The following KIRREL3 variants were observed in gnomAD, a reference collection of about 807,000 sequenced individuals.
KIRREL3 encodes kirre like nephrin family adhesion molecule 3, also known as kin of IRRE-like protein 3.
A neutral mutation model predicts 89.7 loss-of-function variants in KIRREL3; 36 were observed. That is an observed-to-expected ratio of 0.40 (90% CI 0.31 to 0.53). KIRREL3 has a LOEUF of 0.53. Ranked by LOEUF, KIRREL3 falls within the 20% of genes least tolerant of loss-of-function variation. The probability of loss-of-function intolerance (pLI) is 0.49; values close to 1 mark genes in which losing one functional copy is unlikely to be tolerated. For missense variants in KIRREL3, 864 were observed against 1,056.6 expected (o/e 0.82, Z 2.53); for synonymous variants, 445 against 441.4 (o/e 1.01, Z -0.10).
Position 126,645,268 on chromosome 11 carries a change from G to A in KIRREL3, c.56-82356C>T, listed in dbSNP as rs1489013842. Among the ~76,000 whole-genome samples the A allele has an allele frequency of 6.6e-6, 1 of 152,118 alleles. No homozygotes were observed. Among genetic ancestry groups the A allele is most frequent in the Non-Finnish European group, 1.5e-5 (1 of 68,020 alleles). On this transcript the variant is annotated intron_variant, in intron 1 of 16. Coordinates refer to ENST00000525144, the MANE Select transcript of KIRREL3 (RefSeq NM_032531.4). The surrounding 1 kb of genome is among the most constrained non-coding windows in gnomAD (Gnocchi z 4.9). ...GAGTTCCCTGCGGTTGTGGTCATGGGCCAATTGCAGTATTCAGTTTTTATG... is the reference window on the plus strand; with the variant it reads ...GAGTTCCCTGCGGTTGTGGTCATGGACCAATTGCAGTATTCAGTTTTTATG...
rs1007786 is a variant in KIRREL3, at chr11:126,515,543, G to A, written c.433+5772C>T. ...AGGCTTCCTGGAGGAGGAGTTGTCT[G>A]AGGTGAATCTTGACAGCTGAACACA... On this transcript the variant is annotated intron_variant, in intron 4 of 16. Transcript: ENST00000525144. This position sits in a 1 kb window ranked among gnomAD's most constrained non-coding sequence, Gnocchi z 4.2. 0.44 allele frequency among the ~76,000 whole-genome samples: 66,936 copies of A among 152,050 alleles called. 17,666 individuals are homozygous for A. Among genetic ancestry groups the A allele is most frequent in the African/African-American group, 0.74 (30,647 of 41,452 alleles).
chr11:126,842,279 AATCG>A (rs1943989088), intron 1 of KIRREL3, among the ~76,000 whole-genome samples: 1 of 152,166 alleles, frequency 6.6e-6, no homozygotes, highest in East Asian at 1.9e-4. Context: ...GCCCCTGCTC[AATCG>A]GCCATGTATG....
Position 126,427,213 on chromosome 11 carries a change from T to C in KIRREL3, c.1807-1489A>G, listed in dbSNP as rs966261832. On this transcript the variant is annotated intron_variant, in intron 15 of 16. Coordinates refer to ENST00000525144, the MANE Select transcript of KIRREL3 (RefSeq NM_032531.4). The surrounding 1 kb of genome is among the most constrained non-coding windows in gnomAD (Gnocchi z 5.3). ...TCCCTTCTCACATCTAGGCTGTGGT[T>C]TCCTCCCTCGTAAAACTAAACACTC... Among the ~76,000 whole-genome samples the C allele has an allele frequency of 6.6e-6, 1 of 152,154 alleles. No individual in the cohort carries two copies. The highest frequency in any genetic ancestry group is 2.4e-5 in the African/African-American group (1 of 41,432).
At position 126,606,515 on chromosome 11, in the gene KIRREL3, G is replaced by A. The variant is rs898648033; in HGVS notation, c.56-43603C>T. On this transcript the variant is annotated intron_variant, in intron 1 of 16. Coordinates refer to ENST00000525144, the MANE Select transcript of KIRREL3 (RefSeq NM_032531.4). The surrounding 1 kb of genome is among the most constrained non-coding windows in gnomAD (Gnocchi z 4.6). ...ACAGGGCCATGGGGGAGGGAAGTCCGGGCTCTCTGGGAACTGCCTTCCACA... is the reference window on the plus strand; with the variant it reads ...ACAGGGCCATGGGGGAGGGAAGTCCAGGCTCTCTGGGAACTGCCTTCCACA... 1.1e-4 allele frequency among the ~76,000 whole-genome samples: 16 copies of A among 152,104 alleles called. No homozygotes were observed. Among genetic ancestry groups the A allele is most frequent in the African/African-American group, 3.6e-4 (15 of 41,400 alleles).
In KIRREL3 at chr11:126,683,831, C is replaced by T. The variant is rs766314043; in HGVS notation, c.56-120919G>A. 2.2e-4 allele frequency among the ~76,000 whole-genome samples: 33 copies of T among 152,214 alleles called. No individual in the cohort carries two copies. Among genetic ancestry groups the T allele is most frequent in the Non-Finnish European group, 4.4e-4 (30 of 68,048 alleles). On this transcript the variant is annotated intron_variant, in intron 1 of 16. Transcript: ENST00000525144. The surrounding 1 kb of genome is among the most constrained non-coding windows in gnomAD (Gnocchi z 5.2). ...TGCTTATGTGGTAGAAACAGGAAGC[C>T]GTCTTGAAACCCTCGCCAGGCCCCA...
intron 4 of KIRREL3, among the ~76,000 whole-genome samples, chr11:126,478,745 GTGTGTGTGTGTATA>G (rs1957146002): frequency 6.7e-6 from 1 of 148,846 alleles, no homozygotes; most frequent in African/African-American, 2.6e-5. Context: ...GTGTATGTAA[GTGTGTGTGTGTATA>G]TGTGTGTGTA....
In KIRREL3 at chr11:126,620,538, G is replaced by A. The variant is rs1003962081; in HGVS notation, c.56-57626C>T. ...GTCTATGGGGTGCCTGTGCATGTGT[G>A]TTGTGTATGCATTTCTAGGAGGAGA... On this transcript the variant is annotated intron_variant, in intron 1 of 16. Transcript: ENST00000525144. This position sits in a 1 kb window ranked among gnomAD's most constrained non-coding sequence, Gnocchi z 4.8. Among the ~76,000 whole-genome samples, 4 of 152,190 alleles carry A rather than the reference G, an allele frequency of 2.6e-5. No homozygotes were observed. The highest frequency in any genetic ancestry group is 1.3e-4 in the Admixed American group (2 of 15,282).
intron 2 of KIRREL3, among the ~76,000 whole-genome samples, chr11:126,532,820 T>C (rs1327416948): frequency 3.9e-5 from 6 of 152,102 alleles, no homozygotes; most frequent in African/African-American, 1.4e-4. Flanking sequence ...CTGGCCACCA[T>C]AGGAAGATTA....
rs79818912 is a variant in KIRREL3, at chr11:126,634,036, C to A, written c.56-71124G>T. Among the ~76,000 whole-genome samples, 1,309 of 152,342 alleles carry A rather than the reference C, an allele frequency of 8.6e-3. 24 individuals are homozygous for A. Among genetic ancestry groups the A allele is most frequent in the African/African-American group, 0.03 (1,238 of 41,582 alleles). On this transcript the variant is annotated intron_variant, in intron 1 of 16. Coordinates refer to ENST00000525144, the MANE Select transcript of KIRREL3 (RefSeq NM_032531.4). ...CCTGAGTGCACTGGGGCATCCTTCC[C>A]TCCTGCTCTGGGGGTCAGGTGTGGT... is the stretch of plus-strand genomic sequence containing the variant.
At chr11:126,451,639 T>A (rs1428084680) in intron 7 of KIRREL3, among the ~76,000 whole-genome samples, 5 of 151,264 alleles carry the variant, frequency 3.3e-5, no homozygotes, top group African/African-American at 1.2e-4. Context: ...TGTGCATGTG[T>A]GCATGTATGG....
intron 4 of KIRREL3, among the ~76,000 whole-genome samples, chr11:126,483,940 C>G (rs940552811): frequency 6.6e-6 from 1 of 152,234 alleles, no homozygotes; most frequent in Admixed American, 6.5e-5. Context: ...CAACCCCTGA[C>G]TCTCCCACCT....
At chr11:126,511,454 A>G (rs1958219201) in intron 4 of KIRREL3, among the ~76,000 whole-genome samples, 1 of 152,170 alleles carries the variant, frequency 6.6e-6, no homozygotes, top group Non-Finnish European at 1.5e-5. Context: ...CAGCAAGATA[A>G]CAAAGCTGTG....
intron 10 of KIRREL3, chr11:126,440,778 A>T: frequency 1.7e-6 from 1 of 595,698 alleles, no homozygotes; most frequent in Non-Finnish European, 3.0e-6. Flanking sequence ...CAGAACCCCC[A>T]GAAGATACAA....
In KIRREL3 at chr11:126,463,135, G is replaced by T; in HGVS notation, c.742+22C>A. Reference sequence around the variant, plus strand: ...ACCCTGGGCCTGGCAGGGCTGGGTTGGGGGAGGGGGTGGGTACTCACGCTG... The same window carrying T: ...ACCCTGGGCCTGGCAGGGCTGGGTTTGGGGAGGGGGTGGGTACTCACGCTG... On this transcript the variant is annotated intron_variant, in intron 6 of 16. Transcript: ENST00000525144. The surrounding 1 kb of genome is among the most constrained non-coding windows in gnomAD (Gnocchi z 5.9). 3.7e-6 allele frequency: 6 copies of T among 1,608,974 alleles called. No homozygotes were observed. Among genetic ancestry groups the T allele is most frequent in the Non-Finnish European group, 5.1e-6 (6 of 1,177,294 alleles).
intron 1 of KIRREL3, among the ~76,000 whole-genome samples, chr11:126,792,239 A>G (rs1267749455): frequency 6.6e-5 from 10 of 152,342 alleles, no homozygotes; most frequent in Non-Finnish European, 7.3e-5. Flanking sequence ...TAGAATGGAC[A>G]TCATCATGGC....
intron 1 of KIRREL3, among the ~76,000 whole-genome samples, chr11:126,572,572 A>T: frequency 7.1e-6 from 1 of 139,936 alleles, no homozygotes; most frequent in East Asian, 2.3e-4. Context: ...GGAAGAGGGG[A>T]CCCCCCCCCC....
intron 1 of KIRREL3, among the ~76,000 whole-genome samples, chr11:126,854,259 A>G (rs1280880660): frequency 1.3e-5 from 2 of 152,032 alleles, no homozygotes; most frequent in Non-Finnish European, 2.9e-5. Context: ...TTTATGATTT[A>G]AACTATTTTA....
At position 126,568,034 on chromosome 11, in the gene KIRREL3, A is replaced by G. The variant is rs979934519; in HGVS notation, c.56-5122T>C. On this transcript the variant is annotated intron_variant, in intron 1 of 16. Transcript: ENST00000525144. The surrounding 1 kb of genome is among the most constrained non-coding windows in gnomAD (Gnocchi z 4.6). ...TAACCCCTTCCCACCTGAAGCTAGTAGACTCGAGCACGTCTCTGGAAGCCT... is the reference window on the plus strand; with the variant it reads ...TAACCCCTTCCCACCTGAAGCTAGTGGACTCGAGCACGTCTCTGGAAGCCT... Among the ~76,000 whole-genome samples, 2 of 152,108 alleles carry G rather than the reference A, an allele frequency of 1.3e-5. No individual in the cohort carries two copies. Among genetic ancestry groups the G allele is most frequent in the Non-Finnish European group, 2.9e-5 (2 of 67,994 alleles).
rs1949570960 is a variant in KIRREL3, at chr11:126,976,156, A to G, written c.55+24299T>C. Among the ~76,000 whole-genome samples, 1 of 152,054 alleles carries G rather than the reference A, an allele frequency of 6.6e-6. No homozygotes were observed. Among genetic ancestry groups the G allele is most frequent in the Admixed American group, 6.6e-5 (1 of 15,260 alleles). Reference sequence around the variant, plus strand: ...TTATTTGTCACCATGCCACATTGTTAGCTCATATTGAGATTTCAATAAGAT... The same window carrying G: ...TTATTTGTCACCATGCCACATTGTTGGCTCATATTGAGATTTCAATAAGAT... On this transcript the variant is annotated intron_variant, in intron 1 of 16. Coordinates refer to ENST00000525144, the MANE Select transcript of KIRREL3 (RefSeq NM_032531.4). The surrounding 1 kb of genome is among the most constrained non-coding windows in gnomAD (Gnocchi z 4.2).
Sources: allele counts gnomAD v4.1 joint callset (sites outside exome capture counted in the v4.1 genomes callset), GRCh38; gene constraint gnomAD v4.1.1; non-coding constraint Gnocchi (gnomAD v3.1); transcripts MANE v1.5; gene names NCBI Gene and HGNC (gene_info 2026-07-23, HGNC 2026-07-21).